The following HYDIN variants were observed in gnomAD, a reference collection of about 807,000 sequenced individuals.
HYDIN encodes the protein axonemal central pair apparatus protein HYDIN.
Under a neutral mutation model 403.9 loss-of-function variants are expected in HYDIN, and 132 were observed. The observed-to-expected ratio is 0.33, with a 90% CI of 0.28 to 0.38. HYDIN has a LOEUF of 0.38. Ranked by LOEUF, HYDIN falls within the 10% of genes least tolerant of loss-of-function variation. The pLI, the probability that HYDIN is intolerant of heterozygous loss-of-function variation, is 1.00. For synonymous variants in HYDIN, 1,202 were observed against 1,891.7 expected (o/e 0.64, Z 9.46); for missense variants, 2,827 against 5,009.5 (o/e 0.56, Z 13.15).
intron 38 of HYDIN, among the ~76,000 whole-genome samples, chr16:70,960,983 G>T (rs992094588): frequency 1.1e-4 from 16 of 152,354 alleles, no homozygotes; most frequent in African/African-American, 3.6e-4. Flanking sequence ...GAGCCACCTT[G>T]CCCGGCCTAG....
chr16:71,216,983 CA>C (rs1396598200), intron 1 of HYDIN, among the ~76,000 whole-genome samples: 1 of 152,166 alleles, frequency 6.6e-6, no homozygotes, highest in Non-Finnish European at 1.5e-5. Flanking sequence ...TCTTGTCCTA[CA>C]AAAGAGTTTT....
At chr16:71,153,309 C>T (rs567523286) in intron 6 of HYDIN, among the ~76,000 whole-genome samples, 8 of 152,302 alleles carry the variant, frequency 5.3e-5, no homozygotes, top group African/African-American at 1.7e-4. Flanking sequence ...AGCACCCTCA[C>T]TCGCCTTAGG....
intron 6 of HYDIN, among the ~76,000 whole-genome samples, chr16:71,161,320 T>C (rs1226123683): frequency 2.6e-5 from 4 of 152,182 alleles, no homozygotes; most frequent in Non-Finnish European, 5.9e-5. Context: ...CAGCTGTAAA[T>C]ACAGATAAAG....
intron 1 of HYDIN, among the ~76,000 whole-genome samples, chr16:71,188,330 A>G (rs2087255565): frequency 6.6e-6 from 1 of 152,136 alleles, no homozygotes; most frequent in South Asian, 2.1e-4. Context: ...AGAAAGCCTC[A>G]TTATGTGAAC....
intron 47 of HYDIN, among the ~76,000 whole-genome samples, chr16:70,913,181 G>C (rs1328158831): frequency 1.3e-5 from 2 of 150,568 alleles, no homozygotes; most frequent in Admixed American, 6.6e-5. Flanking sequence ...GCTGGGTTTG[G>C]GTTTGATTTG....
At chr16:70,847,607 T>G (rs1288905081) in intron 75 of HYDIN, among the ~76,000 whole-genome samples, 1 of 152,116 alleles carries the variant, frequency 6.6e-6, no homozygotes, top group African/African-American at 2.4e-5. Flanking sequence ...GATATAAAAT[T>G]CCTTGTTGAT....
At chr16:70,976,299 G>A (rs2078885745) in intron 30 of HYDIN, among the ~76,000 whole-genome samples, 1 of 152,202 alleles carries the variant, frequency 6.6e-6, no homozygotes, top group African/African-American at 2.4e-5. Flanking sequence ...TGCCTGTGAT[G>A]GGCATCACAT....
At chr16:71,027,505 T>C in intron 20 of HYDIN, 97 bp downstream of exon 20, 1 of 1,540,684 alleles carries the variant, frequency 6.5e-7, no homozygotes, top group South Asian at 1.2e-5. Flanking sequence ...AACCATATCC[T>C]TCCTCAGATA....
chr16:71,130,400 G>A (rs903534540), intron 8 of HYDIN, among the ~76,000 whole-genome samples: 1 of 147,250 alleles, frequency 6.8e-6, no homozygotes, highest in Non-Finnish European at 1.5e-5. Flanking sequence ...AGAAAGATGT[G>A]TTGAGGGTTA....
intron 54 of HYDIN, among the ~76,000 whole-genome samples, chr16:70,895,683 T>G (rs2076180882): frequency 6.6e-6 from 1 of 150,976 alleles, no homozygotes; most frequent in South Asian, 2.1e-4. Flanking sequence ...GGACATTTTA[T>G]GGCAGTGATA....
intron 18 of HYDIN, among the ~76,000 whole-genome samples, 191 bp from the exon 19 acceptor site, chr16:71,032,108 GA>G (rs2080934980): frequency 6.6e-6 from 1 of 151,464 alleles, no homozygotes; most frequent in Non-Finnish European, 1.5e-5. Context: ...TGATTCTGAA[GA>G]GCAAACCTAC....
intron 1 of HYDIN, among the ~76,000 whole-genome samples, chr16:71,199,744 T>C (rs1448734614): frequency 1.3e-5 from 2 of 152,184 alleles, no homozygotes; most frequent in African/African-American, 2.4e-5. Flanking sequence ...GGGACAGATA[T>C]TAATCTATGC....
At chr16:71,087,239 A>G (rs2082957189) in intron 12 of HYDIN, among the ~76,000 whole-genome samples, 1 of 152,126 alleles carries the variant, frequency 6.6e-6, no homozygotes, top group South Asian at 2.1e-4. Flanking sequence ...GGCTGCCATA[A>G]CAAAGTACCC....
At chr16:70,820,975 CAG>C (rs1393300169) in intron 83 of HYDIN, among the ~76,000 whole-genome samples, 1 of 151,432 alleles carries the variant, frequency 6.6e-6, no homozygotes, top group Non-Finnish European at 1.5e-5. Flanking sequence ...GTGGTTGCTC[CAG>C]AGCTAAAAAT....
At chr16:70,850,418 A>C in intron 74 of HYDIN, 30 bp downstream of exon 74, 1 of 1,018,054 alleles carries the variant, frequency 9.8e-7, no homozygotes, top group Non-Finnish European at 1.4e-6. Context: ...GGAAGCTGAG[A>C]TAGATAGCAA....
chr16:71,129,901 C>G, intron 8 of HYDIN, 78 bp from the exon 9 acceptor site: 1 of 1,542,082 alleles, frequency 6.5e-7, no homozygotes, highest in Non-Finnish European at 8.8e-7. Flanking sequence ...TCTAGTACCT[C>G]CTCCTGGAAA....
chr16:71,205,020 G>A (rs905553655), intron 1 of HYDIN, among the ~76,000 whole-genome samples: 2 of 152,216 alleles, frequency 1.3e-5, no homozygotes, highest in African/African-American at 4.8e-5. Flanking sequence ...CACCACAGAA[G>A]TAAGCAAAGC....
At chr16:70,995,538 A>G (rs2079503916) in intron 23 of HYDIN, among the ~76,000 whole-genome samples, 1 of 150,264 alleles carries the variant, frequency 6.7e-6, no homozygotes, top group East Asian at 1.9e-4. Flanking sequence ...CTACAAAGTT[A>G]AAAAAAAAAT....
chr16:71,088,600 G>A, intron 11 of HYDIN, 76 bp from the exon 12 acceptor site: 1 of 587,496 alleles, frequency 1.7e-6, no homozygotes, highest in Non-Finnish European at 3.1e-6. Flanking sequence ...TGTCTGTACT[G>A]TTTAACAGCA....
Sources: gnomAD v4.1 joint callset for allele counts (sites outside exome capture counted in the v4.1 genomes callset) on GRCh38, gnomAD v4.1.1 for gene constraint, MANE v1.5 for transcripts, NCBI Gene and HGNC (gene_info 2026-07-23, HGNC 2026-07-21) for gene names.